Variants in DTNB observed in about 807,000 individuals in gnomAD.
DTNB encodes the protein DTN-B.
Under a neutral mutation model 90.7 loss-of-function variants are expected in DTNB, and 63 were observed. The ratio of observed to expected loss-of-function variants is 0.69; its 90% confidence interval spans 0.57 to 0.86. The LOEUF is 0.86. Ranked by LOEUF, DTNB falls within the 40% of genes least tolerant of loss-of-function variation. The pLI is 0.00. For missense variants in DTNB, 744 were observed against 807.1 expected (o/e 0.92, Z 0.95); for synonymous variants, 277 against 286.7 (o/e 0.97, Z 0.34).
At chr2:25,555,296 AAAAAAAAAAAAAAC>A (rs1177462870) in intron 8 of DTNB, among the ~76,000 whole-genome samples, 2 of 151,302 alleles carry the variant, frequency 1.3e-5, no homozygotes, top group East Asian at 1.9e-4. Context: ...GTCTCCAAAA[AAAAAAAAAAAAAAC>A]AAAAAGGTCT....
At chr2:25,406,368 C>T (rs1236907321) in intron 16 of DTNB, among the ~76,000 whole-genome samples, 1 of 151,860 alleles carries the variant, frequency 6.6e-6, no homozygotes, top group South Asian at 2.1e-4. Flanking sequence ...CCTGTCTCTA[C>T]TAAAAATACA....
chr2:25,483,611 G>C (rs1478184752), intron 9 of DTNB, among the ~76,000 whole-genome samples: 3 of 152,156 alleles, frequency 2.0e-5, no homozygotes, highest in Non-Finnish European at 4.4e-5. Context: ...AGGTTTTCTA[G>C]ACTCAGGTCC....
intron 8 of DTNB, among the ~76,000 whole-genome samples, chr2:25,534,140 T>A (rs528137718): frequency 6.6e-6 from 1 of 152,318 alleles, no homozygotes; most frequent in Non-Finnish European, 1.5e-5. Flanking sequence ...CAGAGGTCCC[T>A]GCGGCCTTTG....
intron 16 of DTNB, among the ~76,000 whole-genome samples, chr2:25,401,427 C>T (rs1415573713): frequency 6.6e-6 from 1 of 152,260 alleles, no homozygotes; most frequent in Admixed American, 6.5e-5. Context: ...ACCAGCTCTG[C>T]ATCTGAGCAC....
intron 9 of DTNB, among the ~76,000 whole-genome samples, chr2:25,496,211 A>T (rs1394009013): frequency 6.6e-6 from 1 of 152,236 alleles, no homozygotes; most frequent in Non-Finnish European, 1.5e-5. Context: ...CGAGAGTCTT[A>T]TAAACCGGAT....
At chr2:25,522,643 C>G (rs1450843313) in intron 9 of DTNB, among the ~76,000 whole-genome samples, 1 of 151,726 alleles carries the variant, frequency 6.6e-6, no homozygotes, top group East Asian at 1.9e-4. Context: ...TTAAAAAAAT[C>G]CTGAGACAAT....
chr2:25,576,670 C>G, intron 8 of DTNB, 168 bp downstream of exon 8: 1 of 836,382 alleles, frequency 1.2e-6, no homozygotes, highest in Non-Finnish European at 1.7e-6. Flanking sequence ...CTTTTAAAAT[C>G]AAGTGAGGAA....
intron 15 of DTNB, among the ~76,000 whole-genome samples, chr2:25,420,500 ATCTATCTATCTATCTATCTATCTGTCTG>A (rs1439813745): frequency 3.8e-3 from 386 of 100,556 alleles, no homozygotes; most frequent in Non-Finnish European, 7.1e-3. Context: ...CTATCTATCT[ATCTATCTATCTATCTATCTATCTGTCTG>A]TCTATCGACA....
chr2:25,510,668 C>T (rs1259350794), intron 9 of DTNB, among the ~76,000 whole-genome samples: 1 of 152,106 alleles, frequency 6.6e-6, no homozygotes, highest in African/African-American at 2.4e-5. Context: ...CCACCACACC[C>T]AGCTAATTTT....
intron 10 of DTNB, among the ~76,000 whole-genome samples, chr2:25,456,453 T>C (rs2060043336): frequency 1.3e-5 from 2 of 152,230 alleles, no homozygotes; most frequent in South Asian, 4.1e-4. Flanking sequence ...CCTCAAATCT[T>C]AAAAAATGTC....
chr2:25,667,315 C>G (rs998826271), intron 1 of DTNB, among the ~76,000 whole-genome samples: 3 of 151,996 alleles, frequency 2.0e-5, no homozygotes, highest in Middle Eastern at 3.4e-3. Context: ...ATGGTGAAAC[C>G]CTGTCTCTAC....
intron 8 of DTNB, among the ~76,000 whole-genome samples, chr2:25,570,800 C>T (rs1278016536): frequency 6.6e-6 from 1 of 152,164 alleles, no homozygotes; most frequent in Non-Finnish European, 1.5e-5. Flanking sequence ...CTTTTTCCTG[C>T]TCTATCTTCA....
intron 1 of DTNB, among the ~76,000 whole-genome samples, chr2:25,670,126 A>C (rs540710466): frequency 3.3e-5 from 5 of 152,348 alleles, no homozygotes; most frequent in South Asian, 2.1e-4. Context: ...GTAGTTAAGA[A>C]GACTCAGGTT....
chr2:25,476,224 A>G (rs999090599), intron 10 of DTNB, among the ~76,000 whole-genome samples: 8 of 152,062 alleles, frequency 5.3e-5, no homozygotes, highest in Non-Finnish European at 8.8e-5. Context: ...AGGTGCCACC[A>G]TGCCAAGCTA....
At position 25,653,498 on chromosome 2, in the gene DTNB, T is replaced by C. The variant is rs186058663; in HGVS notation, c.-1-837A>G. ...AGCTTGCTTTCTTTCTTTCTTTCTTTCTTTCTTTCTTTCTTTCTTTTTTTT... is the reference window on the plus strand; with the variant it reads ...AGCTTGCTTTCTTTCTTTCTTTCTTCCTTTCTTTCTTTCTTTCTTTTTTTT... On this transcript the variant is annotated intron_variant, in intron 1 of 20. Transcript: ENST00000406818. Among the ~76,000 whole-genome samples the C allele has an allele frequency of 8.2e-3, 1,065 of 130,360 alleles. 7 individuals carry two copies. Among genetic ancestry groups the C allele is most frequent in the Non-Finnish European group, 0.015 (915 of 62,938 alleles). 85.5% of individuals were successfully genotyped at this position (130,360 alleles called of 152,430 possible).
At position 25,619,312 on chromosome 2, in the gene DTNB, A is replaced by G. The variant is rs139381771; in HGVS notation, c.362+8859T>C. 7.5e-3 allele frequency among the ~76,000 whole-genome samples: 1,135 copies of G among 151,966 alleles called. 12 individuals carry two copies. The highest frequency in any genetic ancestry group is 0.024 in the African/African-American group (1,012 of 41,556). On this transcript the variant is annotated intron_variant, in intron 4 of 20. Coordinates refer to ENST00000406818, the MANE Select transcript of DTNB (RefSeq NM_021907.5). ...CGATTATCATATGTAGCTAAACGTA[A>G]TAAGAGCATCTCTCTTTGATTTTCA... is the stretch of plus-strand genomic sequence containing the variant.
At chr2:25,383,185 T>C (rs978675293) in intron 19 of DTNB, among the ~76,000 whole-genome samples, 2 of 84,838 alleles carry the variant, frequency 2.4e-5, no homozygotes, top group Non-Finnish European at 6.0e-5. Flanking sequence ...TGCCACTTCA[T>C]TTGATCTATT....
chr2:25,404,860 A>G (rs1005975623), intron 16 of DTNB, among the ~76,000 whole-genome samples: 8 of 152,078 alleles, frequency 5.3e-5, no homozygotes, highest in African/African-American at 1.9e-4. Flanking sequence ...TGTCTCAAAA[A>G]CTAAAAAATA....
intron 2 of DTNB, among the ~76,000 whole-genome samples, chr2:25,645,545 T>C (rs913262235): frequency 6.6e-6 from 1 of 151,932 alleles, no homozygotes; most frequent in African/African-American, 2.4e-5. Flanking sequence ...GCTCAAGCAA[T>C]CCTTCCACCT....
Sources: allele counts gnomAD v4.1 joint callset (sites outside exome capture counted in the v4.1 genomes callset), GRCh38; gene constraint gnomAD v4.1.1; transcripts MANE v1.5; gene names NCBI Gene and HGNC (gene_info 2026-07-23, HGNC 2026-07-21).